Variants in EXTL3 observed in about 807,000 individuals in gnomAD.
The protein encoded by EXTL3 is exostosin like glycosyltransferase 3, also known as exostosin-like 3.
In EXTL3, 27 loss-of-function variants were observed where a neutral mutation model predicts 69.3. The ratio of observed to expected loss-of-function variants is 0.39; its 90% CI spans 0.29 to 0.54. The LOEUF (loss-of-function observed/expected upper bound fraction) is 0.54, where lower values mean the gene tolerates loss of function less well. Ranked by LOEUF, EXTL3 falls within the 20% of genes least tolerant of loss-of-function variation. The pLI is 0.69. For synonymous variants in EXTL3, 511 were observed against 499.4 expected (o/e 1.02, Z -0.31); for missense variants, 1,003 against 1,231.8 (o/e 0.81, Z 2.78).
At chr8:28,653,576 C>T (rs980423678) in intron 1 of EXTL3, among the ~76,000 whole-genome samples, 46 of 152,280 alleles carry the variant, frequency 3.0e-4, no homozygotes, top group Non-Finnish European at 4.7e-4. Flanking sequence ...AACTTCATTT[C>T]GCATGTGGAT....
chr8:28,640,377 A>G (rs575202660), intron 1 of EXTL3, among the ~76,000 whole-genome samples: 10 of 152,288 alleles, frequency 6.6e-5, no homozygotes, highest in Admixed American at 5.2e-4. Flanking sequence ...CCCTTAACAA[A>G]CGGTAAAGTT....
intron 3 of EXTL3, among the ~76,000 whole-genome samples, chr8:28,722,583 C>A (rs1027757731): frequency 2.6e-5 from 4 of 151,812 alleles, no homozygotes; most frequent in African/African-American, 9.7e-5. Context: ...TGAGACCAGC[C>A]TGGGCAACAT....
upstream of EXTL3, among the ~76,000 whole-genome samples, chr8:28,618,827 C>G (rs539252673): frequency 2.0e-5 from 3 of 151,872 alleles, no homozygotes; most frequent in African/African-American, 7.2e-5. Flanking sequence ...GCTCACGCCT[C>G]TAATCCCAGC....
upstream of EXTL3, among the ~76,000 whole-genome samples, chr8:28,619,050 C>T (rs377025560): frequency 2.9e-5 from 4 of 139,660 alleles, no homozygotes; most frequent in African/African-American, 1.1e-4. Flanking sequence ...CAAGATTGCA[C>T]CACTGCACTC....
intron 2 of EXTL3, among the ~76,000 whole-genome samples, chr8:28,609,367 G>A (rs1357365713): frequency 1.3e-5 from 2 of 151,752 alleles, no homozygotes; most frequent in Non-Finnish European, 2.9e-5. Context: ...GGGGAGGGTG[G>A]TACAGTAAAA....
Position 28,718,175 on chromosome 8 carries a change from C to G in EXTL3, c.2116C>G (p.Leu706Val). 2 of 1,614,170 alleles carry G rather than the reference C, an allele frequency of 1.2e-6. No individual in the cohort carries two copies. The highest frequency in any genetic ancestry group is 1.7e-6 in the Non-Finnish European group (2 of 1,180,028). Residue 706 changes from leucine (L) to valine (V), a missense_variant, in exon 3 of 7, where the codon CTT (leucine) becomes GTT (valine). Physicochemically the swap from Leu to Val is conservative, Grantham distance 32 (BLOSUM62 1). Around this residue, in one of 2 missense-constraint regions of EXTL3, gnomAD observed 261 missense variants for 416.4 expected, o/e 0.63. Coordinates refer to ENST00000220562, the MANE Select transcript of EXTL3 (RefSeq NM_001440.4). ...TTCTCCCAAGCTGCCATCAGAGGAC[C>G]TTCTGTGGCCTGACATTGGCGTCCC... ...WNSPKLPSED[L>V]LWPDIGVPIM... is the part of the protein sequence containing the mutation.
intron 1 of EXTL3, among the ~76,000 whole-genome samples, 190 bp from the exon 2 acceptor site, chr8:28,713,267 A>G (rs1173624393): frequency 6.6e-6 from 1 of 152,192 alleles, no homozygotes; most frequent in East Asian, 1.9e-4. Context: ...TGTATTTATT[A>G]ATAGTCTCCC....
At chr8:28,668,794 C>T (rs1807238947) in intron 1 of EXTL3, among the ~76,000 whole-genome samples, 2 of 151,326 alleles carry the variant, frequency 1.3e-5, no homozygotes, top group Admixed American at 6.6e-5. Flanking sequence ...TTTACCTAGG[C>T]TTGGCATCTG....
chr8:28,750,741 T>C lies in EXTL3; in HGVS notation c.2635T>C (p.Cys879Arg). 1 of 1,614,170 alleles carries C rather than the reference T, an allele frequency of 6.2e-7. No individual in the cohort carries two copies. The highest frequency in any genetic ancestry group is 8.5e-7 in the Non-Finnish European group (1 of 1,180,004). Residue 879 changes from cysteine (C) to arginine (R), a missense_variant, in exon 7 of 7, where the codon TGC becomes CGC. Cys to Arg is a radical substitution (Grantham distance 180). Around this residue, in one of 2 missense-constraint regions of EXTL3, gnomAD observed 261 missense variants for 416.4 expected, o/e 0.63. Coordinates refer to ENST00000220562, the MANE Select transcript of EXTL3 (RefSeq NM_001440.4). This position sits in a 1 kb window ranked among gnomAD's most constrained non-coding sequence, Gnocchi z 5.2. ...DDSHFHERHKCINFFVKVYGY... is the reference protein window; with the variant it reads ...DDSHFHERHKRINFFVKVYGY... ...CTCCCACTTCCACGAGCGGCACAAGTGCATCAACTTCTTCGTGAAGGTGTA... is the reference window on the plus strand; with the variant it reads ...CTCCCACTTCCACGAGCGGCACAAGCGCATCAACTTCTTCGTGAAGGTGTA...
chr8:28,617,538 T>A (rs2130537071), intron 2 of EXTL3, among the ~76,000 whole-genome samples: 1 of 152,288 alleles, frequency 6.6e-6, no homozygotes, highest in South Asian at 2.1e-4. Flanking sequence ...CCCAGTACTT[T>A]GAGAGGCCAA....
intron 5 of EXTL3, chr8:28,741,232 A>C (rs1167123163): frequency 1.3e-5 from 2 of 152,104 alleles, no homozygotes; most frequent in African/African-American, 4.8e-5. Flanking sequence ...AAAACCACAT[A>C]CTGATGGAAA....
intron 1 of EXTL3, among the ~76,000 whole-genome samples, chr8:28,629,471 C>T (rs1806541690): frequency 6.6e-6 from 1 of 151,950 alleles, no homozygotes; most frequent in South Asian, 2.1e-4. Context: ...AATATCTTCT[C>T]CAATTTCTAG....
chr8:28,701,909 G>A (rs1051953003), intron 1 of EXTL3, among the ~76,000 whole-genome samples: 19 of 152,158 alleles, frequency 1.2e-4, no homozygotes, highest in African/African-American at 3.9e-4. Flanking sequence ...GAGGGCTAAC[G>A]GGTCCCTGGG....
At position 28,751,074 on chromosome 8, in the gene EXTL3, G is replaced by T; in HGVS notation, c.*208G>T. 1 of 589,152 alleles carries T rather than the reference G, an allele frequency of 1.7e-6. No homozygotes were observed. The highest frequency in any genetic ancestry group is 3.0e-6 in the Non-Finnish European group (1 of 329,984). The allele number at this position is 589,152 out of a possible 1,614,324, so 36.5% of individuals were successfully genotyped here. On this transcript the variant is annotated 3_prime_UTR_variant, in exon 7 of 7. Transcript: ENST00000220562. ...TGGAGCCCTGGGCGGAGTCCCCGGG[G>T]TTCCCCACACAGGGCACTGACTGAT... is the stretch of plus-strand genomic sequence containing the variant.
intron 4 of EXTL3, among the ~76,000 whole-genome samples, chr8:28,732,513 C>G (rs1394819514): frequency 6.6e-6 from 1 of 152,158 alleles, no homozygotes; most frequent in Non-Finnish European, 1.5e-5. Flanking sequence ...TTCATCACCA[C>G]TGAAAGAAAC....
intron 1 of EXTL3, among the ~76,000 whole-genome samples, chr8:28,679,243 C>G (rs557802473): frequency 2.6e-5 from 4 of 151,976 alleles, no homozygotes; most frequent in Non-Finnish European, 4.4e-5. Flanking sequence ...GTCAAGAGAT[C>G]GAGACCATCC....
chr8:28,689,599 T>A (rs1349312179), intron 1 of EXTL3, among the ~76,000 whole-genome samples: 1 of 152,210 alleles, frequency 6.6e-6, no homozygotes, highest in Non-Finnish European at 1.5e-5. Context: ...TTCACCTCAA[T>A]ACTTATAGTT....
At chr8:28,728,381 C>T (rs998005287) in intron 3 of EXTL3, among the ~76,000 whole-genome samples, 4 of 152,314 alleles carry the variant, frequency 2.6e-5, no homozygotes, top group South Asian at 2.1e-4. Context: ...CTCGGTCCTT[C>T]GTTTTGTCAT....
At chr8:28,713,903 C>CTTTTTTTTTTTT (rs55737430) in intron 2 of EXTL3, among the ~76,000 whole-genome samples, 1 of 113,776 alleles carries the variant, frequency 8.8e-6, no homozygotes, top group Admixed American at 9.1e-5. Flanking sequence ...TTCTTTCTTT[C>CTTTTTTTTTTTT]TTTTTTTTTT....
Sources: gnomAD v4.1 joint callset for allele counts (sites outside exome capture counted in the v4.1 genomes callset) on GRCh38, gnomAD v4.1.1 for gene constraint, gnomAD v4.1.1 regional missense constraint, Gnocchi (gnomAD v3.1) non-coding constraint, MANE v1.5 for transcripts, NCBI Gene and HGNC (gene_info 2026-07-23, HGNC 2026-07-21) for gene names.